Variants in CHD2 observed in about 807,000 individuals in gnomAD.
CHD2 encodes ATP-dependent chromatin remodeler CHD2.
Under a neutral mutation model 243.9 loss-of-function variants are expected in CHD2, and 28 were observed. The ratio of observed to expected loss-of-function variants is 0.11; its 90% confidence interval spans 0.09 to 0.16. The LOEUF (loss-of-function observed/expected upper bound fraction) is 0.16, where lower values mean the gene tolerates loss of function less well. Among genes scored for constraint, CHD2 ranks in the 10% least tolerant of loss-of-function variants. The pLI is 1.00. For synonymous variants in CHD2, 775 were observed against 779.0 expected (o/e 0.99, Z 0.09); for missense variants, 1,386 against 2,209.8 (o/e 0.63, Z 7.47).
Position 92,940,931 on chromosome 15 carries a change from TATATA to T in CHD2, c.693-889_693-885del, listed in dbSNP as rs1225725881. Among the ~76,000 whole-genome samples the T allele has an allele frequency of 1.7e-3, 229 of 137,706 alleles. 5 individuals carry two copies. Among genetic ancestry groups the T allele is most frequent in the African/African-American group, 5.9e-3 (215 of 36,466 alleles). 90.3% of individuals were successfully genotyped at this position (137,706 alleles called of 152,430 possible). On this transcript the variant is annotated intron_variant, in intron 7 of 38. Transcript: ENST00000394196. ...ATATATATAAATATACATATAAATA[TATATA>T]AAATATATATAAATATAAATATATA...
intron 13 of CHD2, chr15:92,949,350 T>A: frequency 3.0e-6 from 2 of 663,844 alleles, no homozygotes; most frequent in Non-Finnish European, 4.2e-6. Flanking sequence ...TCATCATATG[T>A]TACTCATGAG....
At chr15:93,004,123 C>CA (rs982331625) in intron 33 of CHD2, among the ~76,000 whole-genome samples, 12,150 of 73,164 alleles carry the variant, frequency 0.17, 714 homozygotes, top group Admixed American at 0.22. Flanking sequence ...GAATCTGTCT[C>CA]AAAAAAAAAA....
At chr15:92,969,477 C>T (rs1201276776) in intron 17 of CHD2, among the ~76,000 whole-genome samples, 1 of 152,150 alleles carries the variant, frequency 6.6e-6, no homozygotes. Context: ...CCCTCGAGTC[C>T]GAGGCTGTTG....
chr15:92,996,642 A>G (rs2054191901), intron 28 of CHD2, among the ~76,000 whole-genome samples: 2 of 152,216 alleles, frequency 1.3e-5, no homozygotes. Flanking sequence ...AACCTTCAGC[A>G]CTAATATTAT....
Position 92,979,209 on chromosome 15 carries a change from A to T in CHD2, c.2802A>T (p.Val934=). Residue 934 remains valine, a synonymous_variant, in exon 22 of 39, where the codon GTA becomes GTT. Coordinates refer to ENST00000394196, the MANE Select transcript of CHD2 (RefSeq NM_001271.4). ...TAGAACGGGCCAAAAAGAAGATGGT[A>T]TTAGATCATCTGGTGATTCAGCGCA... ...EIIERAKKKM[V]LDHLVIQRMD... 6.2e-7 allele frequency: 1 copy of T among 1,614,090 alleles called. No individual in the cohort carries two copies. Among genetic ancestry groups the T allele is most frequent in the Non-Finnish European group, 8.5e-7 (1 of 1,179,986 alleles).
intron 2 of CHD2, among the ~76,000 whole-genome samples, chr15:92,924,032 A>C (rs1315429020): frequency 6.6e-6 from 1 of 152,168 alleles, no homozygotes; most frequent in South Asian, 2.1e-4. Flanking sequence ...CATTTGAATG[A>C]AGGGGACAGT....
intron 34 of CHD2, among the ~76,000 whole-genome samples, chr15:93,005,200 G>C (rs1341227355): frequency 6.6e-6 from 1 of 152,194 alleles, no homozygotes; most frequent in African/African-American, 2.4e-5. Context: ...CTGGAGGAGA[G>C]AGAGTGCATA....
At position 92,991,482 on chromosome 15, in the gene CHD2, C is replaced by T; in HGVS notation, c.3420C>T (p.Ile1140=). 1 of 1,606,070 alleles carries T rather than the reference C, an allele frequency of 6.2e-7. No individual in the cohort carries two copies. Among genetic ancestry groups the T allele is most frequent in the Non-Finnish European group, 8.5e-7 (1 of 1,174,768 alleles). The change falls in exon 27 of 39, where the codon ATC becomes ATT. Residue 1140 remains isoleucine, a synonymous_variant. Coordinates refer to ENST00000394196, the MANE Select transcript of CHD2 (RefSeq NM_001271.4). ...TTATTGATCCTATTCTTAGGTTCAT[C>T]AAGGCTTATAAGAAGTTTGGTCTCC... ...GFTDAEIRRF[I]KAYKKFGLPL... is the part of the protein sequence containing the mutation.
At chr15:92,962,418 T>C (rs2053702794) in intron 16 of CHD2, among the ~76,000 whole-genome samples, 1 of 152,188 alleles carries the variant, frequency 6.6e-6, no homozygotes, top group Non-Finnish European at 1.5e-5. Context: ...TTCTCTGTGA[T>C]TTATTCTTTG....
chr15:92,973,248 T>C (rs2053865760), intron 19 of CHD2, among the ~76,000 whole-genome samples: 1 of 152,318 alleles, frequency 6.6e-6, no homozygotes, highest in African/African-American at 2.4e-5. Context: ...CTGGAGTTAC[T>C]GTCTTCACAC....
chr15:92,924,368 C>A lies in CHD2; in HGVS notation c.110C>A (p.Ser37Ter). 1 of 1,613,900 alleles carries A rather than the reference C, an allele frequency of 6.2e-7. No individual in the cohort carries two copies. The highest frequency in any genetic ancestry group is 1.1e-5 in the South Asian group (1 of 91,030). ...TCGGGTTCAGACTCAGGCAGTCAGTCGGAAAGTGAGCAGGGAAGTGATCCA... is the reference window on the plus strand; with the variant it reads ...TCGGGTTCAGACTCAGGCAGTCAGTAGGAAAGTGAGCAGGGAAGTGATCCA... ...EASGSDSGSQ[S>*]ESEQGSDPGS... Residue 37 changes from serine (S) to a stop codon, truncating the protein, a stop_gained, in exon 3 of 39, where the codon TCG (serine) becomes TAG (stop). Coordinates refer to ENST00000394196, the MANE Select transcript of CHD2 (RefSeq NM_001271.4). LOFTEE classifies it high-confidence loss of function.
intron 16 of CHD2, among the ~76,000 whole-genome samples, chr15:92,957,605 A>G (rs1296721377): frequency 1.3e-5 from 2 of 151,938 alleles, no homozygotes; most frequent in Non-Finnish European, 2.9e-5. Context: ...TGCACAGTAA[A>G]CAATTCAGTT....
Position 93,000,494 on chromosome 15 carries a change from T to C in CHD2, c.4009-18T>C. ...GTCTTGATTTGTATTTTAATCATCATTTTCTCTCCTTTTCCAGGCCAAATT... is the reference window on the plus strand; with the variant it reads ...GTCTTGATTTGTATTTTAATCATCACTTTCTCTCCTTTTCCAGGCCAAATT... On this transcript the variant is annotated intron_variant, in intron 31 of 38. Coordinates refer to ENST00000394196, the MANE Select transcript of CHD2 (RefSeq NM_001271.4). 1 of 1,599,390 alleles carries C rather than the reference T, an allele frequency of 6.3e-7. No individual in the cohort carries two copies. The highest frequency in any genetic ancestry group is 8.5e-7 in the Non-Finnish European group (1 of 1,174,178).
intron 19 of CHD2, 37 bp downstream of exon 19, chr15:92,972,454 A>T (rs781497801): frequency 5.8e-6 from 9 of 1,541,780 alleles, no homozygotes; most frequent in Non-Finnish European, 7.9e-6. Context: ...GGGGGAATCA[A>T]TCTCTCTCTC....
At chr15:93,015,583 G>A (rs767135980) in intron 37 of CHD2, among the ~76,000 whole-genome samples, 34 of 152,176 alleles carry the variant, frequency 2.2e-4, no homozygotes, top group Non-Finnish European at 3.8e-4. Context: ...GTTTATGTAA[G>A]GGGAGAAAAT....
intron 14 of CHD2, among the ~76,000 whole-genome samples, chr15:92,954,936 C>A (rs1315410136): frequency 6.6e-6 from 1 of 152,150 alleles, no homozygotes; most frequent in Non-Finnish European, 1.5e-5. Flanking sequence ...ATACGTATTG[C>A]ATTATATTTT....
chr15:92,958,622 A>G (rs1454898305), intron 16 of CHD2, among the ~76,000 whole-genome samples: 1 of 152,208 alleles, frequency 6.6e-6, no homozygotes, highest in Non-Finnish European at 1.5e-5. Flanking sequence ...CTTTTAAAAA[A>G]ATTCTAAAGA....
chr15:92,937,456 G>T (rs994478113), intron 5 of CHD2, 62 bp from the exon 6 acceptor site: 1 of 1,264,500 alleles, frequency 7.9e-7, no homozygotes, highest in East Asian at 2.5e-5. Context: ...TGGTTTTGTC[G>T]GATTATTTAT....
chr15:92,978,002 C>T (rs2053931941), intron 20 of CHD2: 1 of 490,792 alleles, frequency 2.0e-6, no homozygotes, highest in African/African-American at 1.9e-5. Flanking sequence ...ACTCCCATTG[C>T]CTTATTAGAG....
Sources: gnomAD v4.1 joint callset for allele counts (sites outside exome capture counted in the v4.1 genomes callset) on GRCh38, gnomAD v4.1.1 for gene constraint, MANE v1.5 for transcripts, NCBI Gene and HGNC (gene_info 2026-07-23, HGNC 2026-07-21) for gene names.